RUVBL1: variants seen among roughly 807,000 people sequenced by gnomAD.
RUVBL1 encodes ruvB-like 1.
In RUVBL1, 4 loss-of-function variants were observed where a neutral mutation model predicts 52.4. That is an observed-to-expected ratio of 0.08 (90% confidence interval 0.04 to 0.17). RUVBL1 has a LOEUF of 0.17. Ranked by LOEUF, RUVBL1 falls within the 10% of genes least tolerant of loss-of-function variation. The pLI is 1.00. For synonymous variants in RUVBL1, 217 were observed against 214.4 expected, an observed-to-expected ratio of 1.01 and a Z score of -0.10; for missense variants, 298 against 572.8, an observed-to-expected ratio of 0.52 and a Z score of 4.90.
rs143759902 is a variant in RUVBL1, at chr3:128,116,701, G to A, written c.228+2627C>T. ...CTTTTCATTAAAACAATTTAACTTC[G>A]TTGTCTTTGAAAGCACATTTGTTAA... On this transcript the variant is annotated intron_variant, in intron 2 of 10. Coordinates refer to ENST00000322623, the MANE Select transcript of RUVBL1 (RefSeq NM_003707.3). Among the ~76,000 whole-genome samples the A allele has an allele frequency of 2.1e-3, 313 of 151,960 alleles. 2 individuals are homozygous for A. The highest frequency in any genetic ancestry group is 6.8e-3 in the African/African-American group (280 of 41,404).
At chr3:128,150,975 T>TATAA (rs528713660) in intron 1 of RUVBL1, among the ~76,000 whole-genome samples, 11 of 93,192 alleles carry the variant, frequency 1.2e-4, no homozygotes, top group African/African-American at 1.8e-4. Context: ...ATATTATATA[T>TATAA]TATATATTCT....
At chr3:128,134,189 G>A (rs1028815067) in intron 1 of RUVBL1, among the ~76,000 whole-genome samples, 8 of 152,134 alleles carry the variant, frequency 5.3e-5, no homozygotes, top group African/African-American at 1.4e-4. Context: ...TTGGCCAGGC[G>A]TAGTGGCTTA....
At chr3:128,127,034 T>C (rs1014925182), upstream of RUVBL1, among the ~76,000 whole-genome samples, 3 of 152,194 alleles carry the variant, frequency 2.0e-5, no homozygotes, top group South Asian at 2.1e-4. Flanking sequence ...TGACAGTCAG[T>C]CCTGGCAATT....
intron 1 of RUVBL1, among the ~76,000 whole-genome samples, chr3:128,151,241 CTA>C (rs1944207140): frequency 7.2e-6 from 1 of 138,016 alleles, no homozygotes; most frequent in Non-Finnish European, 1.5e-5. Context: ...TATATATACT[CTA>C]TATATCTATA....
chr3:128,111,633 G>A lies in RUVBL1; in HGVS notation c.361+1255C>T, dbSNP rs143237143. On this transcript the variant is annotated intron_variant, in intron 3 of 10. Coordinates refer to ENST00000322623, the MANE Select transcript of RUVBL1 (RefSeq NM_003707.3). ...CTTACTATCCACTCCCAACCCAGCC[G>A]GAGGGGTCTGGTAAAAGCAAAACCA... 1.6e-3 allele frequency among the ~76,000 whole-genome samples: 242 copies of A among 152,224 alleles called. 1 individual carries two copies. The highest frequency in any genetic ancestry group is 5.1e-3 in the African/African-American group (211 of 41,520).
At chr3:128,094,160 T>C (rs374237878) in intron 8 of RUVBL1, among the ~76,000 whole-genome samples, 4 of 152,302 alleles carry the variant, frequency 2.6e-5, no homozygotes, top group African/African-American at 9.6e-5. Flanking sequence ...GATGGTAAGA[T>C]TCAGAGAGGT....
chr3:128,066,022 G>A (rs531409087), intron 9 of RUVBL1, among the ~76,000 whole-genome samples: 7 of 152,178 alleles, frequency 4.6e-5, no homozygotes, highest in East Asian at 3.9e-4. Flanking sequence ...GATTACAGGC[G>A]TGAGCCACCG....
chr3:128,089,832 C>G (rs1160705124), intron 8 of RUVBL1, among the ~76,000 whole-genome samples: 5 of 139,012 alleles, frequency 3.6e-5, no homozygotes, highest in African/African-American at 5.3e-5. Context: ...ATCGCTTGAG[C>G]CCAGGAGGAA....
intron 1 of RUVBL1, among the ~76,000 whole-genome samples, chr3:128,145,634 G>A (rs1576491699): frequency 6.6e-6 from 1 of 152,056 alleles, no homozygotes; most frequent in African/African-American, 2.4e-5. Flanking sequence ...GAGAAACGGA[G>A]AGGAGCATGG....
At position 128,068,091 on chromosome 3, in the gene RUVBL1, G is replaced by A. The variant is rs1322090536; in HGVS notation, c.940-2871C>T. 1.5e-5 allele frequency: 24 copies of A among 1,567,272 alleles called. No homozygotes were observed. In the South Asian group the frequency reaches 1.7e-4, roughly 11 times the overall value. On this transcript the variant is annotated intron_variant, in intron 9 of 9. Transcript: ENST00000464873. ...GGTGGCCCCAGGTCCCCAACCTCCC[G>A]TCTGTGGACATGTGTTGTTTCTTTC...
At chr3:128,153,358 C>T in exon 1 of RUVBL1, 4 of 1,384,550 alleles carry the variant, frequency 2.9e-6, no homozygotes, top group Non-Finnish European at 3.7e-6. Flanking sequence ...CGGCTGTGCC[C>T]GTGAGCCTCA....
intron 1 of RUVBL1, among the ~76,000 whole-genome samples, chr3:128,120,395 C>T (rs1439118192): frequency 6.6e-6 from 1 of 152,136 alleles, no homozygotes; most frequent in African/African-American, 2.4e-5. Flanking sequence ...ATTTTAAATA[C>T]ATTATAAATC....
chr3:128,151,237 T>C (rs1472879696), intron 1 of RUVBL1, among the ~76,000 whole-genome samples: 3 of 139,734 alleles, frequency 2.1e-5, no homozygotes, highest in African/African-American at 5.3e-5. Flanking sequence ...TATATATATA[T>C]ACTCTATATA....
At chr3:128,065,828 G>A (rs914636073) in intron 9 of RUVBL1, among the ~76,000 whole-genome samples, 44 of 132,418 alleles carry the variant, frequency 3.3e-4, no homozygotes, top group African/African-American at 4.6e-4. Context: ...TGCAACCTCC[G>A]CCTCCCAGGT....
In RUVBL1 at chr3:128,082,621, C is replaced by T. The variant is rs774237354; in HGVS notation, c.1120-47G>A. The T allele has an allele frequency of 2.1e-6, 3 of 1,431,354 alleles. No individual in the cohort carries two copies. The highest frequency in any genetic ancestry group is 3.6e-5 in the Admixed American group (2 of 55,622). The allele number at this position is 1,431,354 out of a possible 1,614,324, so 88.7% of individuals were successfully genotyped here. A position where few individuals can be genotyped will look rare whatever the true frequency, so the allele number is the denominator to read the frequency against. ...GATCAACGGTGACTGACCTCAAGTG[C>T]CCCATTTCTAAAGTGCTTTAAAGAC... On this transcript the variant is annotated intron_variant, in intron 9 of 10. Transcript: ENST00000322623. This position sits in a 1 kb window ranked among gnomAD's most constrained non-coding sequence, Gnocchi z 4.7.
chr3:128,072,993 A>G (rs1942212436), intron 9 of RUVBL1, among the ~76,000 whole-genome samples: 1 of 151,764 alleles, frequency 6.6e-6, no homozygotes, highest in South Asian at 2.1e-4. Flanking sequence ...CTCTCACTTC[A>G]CCCCACTAGA....
intron 9 of RUVBL1, among the ~76,000 whole-genome samples, chr3:128,087,017 C>T (rs1049684679): frequency 2.6e-5 from 4 of 152,268 alleles, no homozygotes; most frequent in Admixed American, 6.5e-5. Flanking sequence ...CACAAACTCC[C>T]TCCTTCAGGT....
At chr3:128,088,100 A>G (rs945511523) in intron 8 of RUVBL1, among the ~76,000 whole-genome samples, 17 of 152,036 alleles carry the variant, frequency 1.1e-4, no homozygotes, top group Non-Finnish European at 2.9e-5. Context: ...CGTCTCTACT[A>G]AAAATACAAA....
chr3:128,071,117 C>T (rs2107656870), intron 9 of RUVBL1: 1 of 152,524 alleles, frequency 6.6e-6, no homozygotes, highest in East Asian at 1.9e-4. Context: ...GGCAGAGGGG[C>T]ACACTCTGGA....
Sources: allele counts gnomAD v4.1 joint callset (sites outside exome capture counted in the v4.1 genomes callset), GRCh38; gene constraint gnomAD v4.1.1; non-coding constraint Gnocchi (gnomAD v3.1); transcripts MANE v1.5; gene names NCBI Gene and HGNC (gene_info 2026-07-23, HGNC 2026-07-21).